The following SLC28A3 variants were observed in gnomAD, a reference collection of about 807,000 sequenced individuals.
SLC28A3 encodes the protein concentrative Na(+)-nucleoside cotransporter 3.
Under a neutral mutation model 84.2 loss-of-function variants are expected in SLC28A3, and 68 were observed. The ratio of observed to expected loss-of-function variants is 0.81; its 90% confidence interval spans 0.66 to 0.99. SLC28A3 has a LOEUF of 0.99. Ranked by LOEUF, SLC28A3 falls within the 50% of genes least tolerant of loss-of-function variation. The probability of loss-of-function intolerance (pLI) is 0.00; values close to 1 mark genes in which losing one functional copy is unlikely to be tolerated. For missense variants in SLC28A3, 712 were observed against 841.5 expected, an observed-to-expected ratio of 0.85 and a Z score of 1.90; for synonymous variants, 267 against 303.6, an observed-to-expected ratio of 0.88 and a Z score of 1.25.
chr9:84,350,970 G>A, the SLC28A3 span, among the ~76,000 whole-genome samples: 1 of 152,132 alleles, frequency 6.6e-6, no homozygotes, highest in African/African-American at 2.4e-5. Context: ...GCCTCCCAAA[G>A]TGCTGGGATT....
At chr9:84,280,689 A>G in intron 15 of SLC28A3, 112 bp downstream of exon 15, 1 of 990,444 alleles carries the variant, frequency 1.0e-6, no homozygotes, top group Non-Finnish European at 1.6e-6. Context: ...CAGAGGACTC[A>G]TGACTGTTGC....
chr9:84,333,021 A>C (rs1386041855), intron 1 of SLC28A3, among the ~76,000 whole-genome samples: 1 of 152,354 alleles, frequency 6.6e-6, no homozygotes, highest in East Asian at 1.9e-4. Context: ...GCCAAAGTTA[A>C]GGAACTGCCT....
intron 17 of SLC28A3, among the ~76,000 whole-genome samples, chr9:84,278,818 G>C (rs146048207): frequency 1.2e-3 from 176 of 149,246 alleles, no homozygotes; most frequent in African/African-American, 4.2e-3. Flanking sequence ...TATCTCACTT[G>C]TACTTGTGCT....
chr9:84,355,414 G>A, the SLC28A3 span, among the ~76,000 whole-genome samples: 2 of 152,076 alleles, frequency 1.3e-5, no homozygotes, highest in Non-Finnish European at 2.9e-5. Context: ...GTACAGCCTG[G>A]GTGATGGGGT....
At chr9:84,302,973 G>T (rs1023209922) in intron 4 of SLC28A3, among the ~76,000 whole-genome samples, 1 of 152,188 alleles carries the variant, frequency 6.6e-6, no homozygotes, top group African/African-American at 2.4e-5. Context: ...CTGCAAAGAT[G>T]TTCTGCAGGT....
upstream of SLC28A3, among the ~76,000 whole-genome samples, chr9:84,340,917 C>T (rs1160659529): frequency 4.0e-5 from 6 of 151,898 alleles, no homozygotes; most frequent in Admixed American, 3.9e-4. Flanking sequence ...TATTTGCACT[C>T]CTGGGGAGAA....
At chr9:84,334,048 T>A (rs1230907955) in intron 1 of SLC28A3, among the ~76,000 whole-genome samples, 3 of 152,230 alleles carry the variant, frequency 2.0e-5, no homozygotes, top group Non-Finnish European at 2.9e-5. Flanking sequence ...CTCACGCCTG[T>A]AATCCCAACA....
chr9:84,310,666 A>ATGGC, intron 2 of SLC28A3: 2 of 871,826 alleles, frequency 2.3e-6, no homozygotes, highest in Non-Finnish European at 1.4e-6. Flanking sequence ...TAATTCCACG[A>ATGGC]GGCCAAACTC....
chr9:84,359,231 A>C, the SLC28A3 span, among the ~76,000 whole-genome samples: 1 of 152,194 alleles, frequency 6.6e-6, no homozygotes, highest in Non-Finnish European at 1.5e-5. Flanking sequence ...TACCTCTCCC[A>C]AATCTAGGAT....
At chr9:84,351,901 A>C in the SLC28A3 span, among the ~76,000 whole-genome samples, 2 of 151,834 alleles carry the variant, frequency 1.3e-5, no homozygotes, top group Non-Finnish European at 2.9e-5. Flanking sequence ...AAAACATGTA[A>C]ATGTATATGA....
chr9:84,355,824 T>C, the SLC28A3 span, among the ~76,000 whole-genome samples: 1 of 152,084 alleles, frequency 6.6e-6, no homozygotes, highest in Non-Finnish European at 1.5e-5. Context: ...TTTTATTTTA[T>C]TTTATTTTAG....
At chr9:84,336,698 T>A (rs1564180766) in intron 1 of SLC28A3, among the ~76,000 whole-genome samples, 1 of 152,114 alleles carries the variant, frequency 6.6e-6, no homozygotes, top group African/African-American at 2.4e-5. Context: ...ACAATTTGAC[T>A]GCGTAAATTC....
chr9:84,336,504 T>C (rs1431107390), intron 1 of SLC28A3, among the ~76,000 whole-genome samples: 2 of 151,884 alleles, frequency 1.3e-5, no homozygotes, highest in African/African-American at 4.8e-5. Context: ...ACTTCATCTC[T>C]AAAACACAAA....
At chr9:84,319,814 T>C (rs1441598542) in intron 1 of SLC28A3, among the ~76,000 whole-genome samples, 1 of 152,052 alleles carries the variant, frequency 6.6e-6, no homozygotes, top group African/African-American at 2.4e-5. Context: ...AGAGAAGCTG[T>C]TCTGAGAGCA....
chr9:84,306,686 G>T (rs1227695127), intron 3 of SLC28A3, among the ~76,000 whole-genome samples: 1 of 151,934 alleles, frequency 6.6e-6, no homozygotes, highest in Non-Finnish European at 1.5e-5. Context: ...GAGAACAGAT[G>T]TCTATGAGCC....
At chr9:84,292,081 GAC>G (rs1232068128) in intron 10 of SLC28A3, among the ~76,000 whole-genome samples, 1 of 152,224 alleles carries the variant, frequency 6.6e-6, no homozygotes, top group African/African-American at 2.4e-5. Flanking sequence ...GCTCAGCAAA[GAC>G]AGAATATTGG....
In SLC28A3 at chr9:84,279,981, T is replaced by C. The variant is rs759963398; in HGVS notation, c.1822A>G (p.Ile608Val). The C allele has an allele frequency of 9.3e-6, 15 of 1,613,904 alleles. No homozygotes were observed. In the East Asian group the frequency reaches 3.1e-4, roughly 34 times the overall value. ...GTVACFMTAC[I>V]AGILSSTPVD... ...AAAGGACAGGGTGCGGTACCTGCGA[T>C]GCAGGCTGTCATGAAGCAGGCCACG... Residue 608 changes from isoleucine (I) to valine (V), a missense_variant, in exon 16 of 18, where the codon ATC becomes GTC. Ile to Val is a conservative substitution (Grantham distance 29). Transcript: ENST00000376238.
intron 14 of SLC28A3, among the ~76,000 whole-genome samples, chr9:84,283,791 C>T (rs903159304): frequency 2.6e-5 from 4 of 152,196 alleles, no homozygotes; most frequent in African/African-American, 9.6e-5. Flanking sequence ...GCCTCACGGA[C>T]CCACATGGTA....
chr9:84,353,662 A>C, the SLC28A3 span, among the ~76,000 whole-genome samples: 1 of 152,222 alleles, frequency 6.6e-6, no homozygotes, highest in South Asian at 2.1e-4. Context: ...ATGAGCCGAG[A>C]CTGAGCCACT....
Sources: allele counts gnomAD v4.1 joint callset (sites outside exome capture counted in the v4.1 genomes callset), GRCh38; gene constraint gnomAD v4.1.1; transcripts MANE v1.5; gene names NCBI Gene and HGNC (gene_info 2026-07-23, HGNC 2026-07-21).